CCDC85A: variants seen among roughly 807,000 people sequenced by gnomAD.
The protein encoded by CCDC85A is coiled-coil domain containing 85A.
In CCDC85A, 38 loss-of-function variants were observed where a neutral mutation model predicts 50.2. The observed-to-expected ratio is 0.76, with a 90% confidence interval of 0.58 to 0.99. The LOEUF is 0.99. Ranked by LOEUF, CCDC85A falls within the 50% of genes least tolerant of loss-of-function variation. The pLI, the probability that CCDC85A is intolerant of heterozygous loss-of-function variation, is 0.00. For synonymous variants in CCDC85A, 366 were observed against 301.4 expected (o/e 1.21, Z -2.22); for missense variants, 820 against 742.0 (o/e 1.11, Z -1.22).
rs377198351 is a variant in CCDC85A, at chr2:56,378,447, AG to A, written c.1572+2514del. On this transcript the variant is annotated intron_variant, in intron 5 of 5. Coordinates refer to ENST00000407595, the MANE Select transcript of CCDC85A (RefSeq NM_001080433.2). ...AACTGATTTGAAGTACACTTCTCTG[AG>A]GTGCATTACAAATCAAATTTGTAGG... 2.0e-4 allele frequency among the ~76,000 whole-genome samples: 30 copies of A among 152,298 alleles called. No individual in the cohort carries two copies. In the East Asian group the frequency reaches 5.4e-3, roughly 27 times the overall value.
intron 2 of CCDC85A, among the ~76,000 whole-genome samples, chr2:56,220,679 A>G (rs1008357210): frequency 6.6e-6 from 1 of 152,076 alleles, no homozygotes; most frequent in Non-Finnish European, 1.5e-5. Flanking sequence ...GTTCCGGAAG[A>G]TCAGACATCA....
intron 2 of CCDC85A, among the ~76,000 whole-genome samples, chr2:56,311,749 T>C (rs759725859): frequency 6.6e-6 from 1 of 152,138 alleles, no homozygotes; most frequent in African/African-American, 2.4e-5. Flanking sequence ...ATTTCCCTTT[T>C]GCAGATGTAA....
intron 3 of CCDC85A, among the ~76,000 whole-genome samples, chr2:56,343,268 C>T (rs1341365150): frequency 6.6e-6 from 1 of 152,058 alleles, no homozygotes; most frequent in Non-Finnish European, 1.5e-5. Context: ...CTCATATACA[C>T]CATGCATGTG....
chr2:56,307,387 G>C (rs1011534259), intron 2 of CCDC85A, among the ~76,000 whole-genome samples: 23 of 152,014 alleles, frequency 1.5e-4, no homozygotes, highest in Admixed American at 1.4e-3. Context: ...TTGTAATCAG[G>C]CTCCTTGCAG....
At chr2:56,279,923 A>C (rs935810490) in intron 2 of CCDC85A, among the ~76,000 whole-genome samples, 1 of 152,206 alleles carries the variant, frequency 6.6e-6, no homozygotes, top group Non-Finnish European at 1.5e-5. Flanking sequence ...TCTTTGATAC[A>C]CTGATTTTAA....
intron 2 of CCDC85A, among the ~76,000 whole-genome samples, chr2:56,228,296 T>C (rs575913476): frequency 1.3e-5 from 2 of 151,272 alleles, no homozygotes; most frequent in South Asian, 2.1e-4. Context: ...AACCTGCACG[T>C]TGTGCACGTG....
intron 3 of CCDC85A, among the ~76,000 whole-genome samples, chr2:56,344,438 A>G (rs1419845276): frequency 6.6e-6 from 1 of 152,162 alleles, no homozygotes; most frequent in Non-Finnish European, 1.5e-5. Flanking sequence ...ACGGCCCACA[A>G]TTTAAAACTT....
chr2:56,208,220 A>G (rs1677031406), intron 2 of CCDC85A, among the ~76,000 whole-genome samples: 1 of 152,174 alleles, frequency 6.6e-6, no homozygotes, highest in African/African-American at 2.4e-5. Flanking sequence ...TTATAAGAAT[A>G]TGTTATATTG....
At chr2:56,238,303 G>A (rs1034906994) in intron 2 of CCDC85A, among the ~76,000 whole-genome samples, 1 of 151,740 alleles carries the variant, frequency 6.6e-6, no homozygotes, top group African/African-American at 2.4e-5. Flanking sequence ...TGTAATCCCA[G>A]CTATTCAGGA....
chr2:56,347,237 G>T (rs1463545394), intron 3 of CCDC85A, among the ~76,000 whole-genome samples: 1 of 152,144 alleles, frequency 6.6e-6, no homozygotes, highest in Non-Finnish European at 1.5e-5. Flanking sequence ...AGGTGTATTG[G>T]GTTCACAGAG....
chr2:56,354,128 G>A (rs1264841118), intron 3 of CCDC85A, among the ~76,000 whole-genome samples: 1 of 152,228 alleles, frequency 6.6e-6, no homozygotes, highest in Non-Finnish European at 1.5e-5. Context: ...ACATTTCACA[G>A]AGGGAATTTA....
At chr2:56,240,262 T>C (rs1669196400) in intron 2 of CCDC85A, among the ~76,000 whole-genome samples, 1 of 152,156 alleles carries the variant, frequency 6.6e-6, no homozygotes, top group African/African-American at 2.4e-5. Context: ...CTTCAGCCTC[T>C]GATTCAGCCT....
chr2:56,352,599 G>A (rs998476081), intron 3 of CCDC85A, among the ~76,000 whole-genome samples: 4 of 152,162 alleles, frequency 2.6e-5, no homozygotes, highest in African/African-American at 4.8e-5. Flanking sequence ...TCCTCCCTTG[G>A]CCTCCCAAAG....
chr2:56,209,528 A>G (rs1677100930), intron 2 of CCDC85A, among the ~76,000 whole-genome samples: 1 of 149,310 alleles, frequency 6.7e-6, no homozygotes, highest in Non-Finnish European at 1.5e-5. Flanking sequence ...ATTGTTTAAT[A>G]CTTTGGGGCA....
chr2:56,213,969 A>C (rs1368632396), intron 2 of CCDC85A, among the ~76,000 whole-genome samples: 1 of 151,924 alleles, frequency 6.6e-6, no homozygotes, highest in East Asian at 1.9e-4. Context: ...AGGTGAGTAG[A>C]GGGCCAAGAT....
At chr2:56,260,439 TAAAAC>T (rs1670170376) in intron 2 of CCDC85A, among the ~76,000 whole-genome samples, 1 of 152,178 alleles carries the variant, frequency 6.6e-6, no homozygotes, top group African/African-American at 2.4e-5. Context: ...ATGCTTGAAA[TAAAAC>T]TTTAGTGGAG....
chr2:56,200,691 G>A lies in CCDC85A; in HGVS notation c.1240+7251G>A, dbSNP rs552733814. On this transcript the variant is annotated intron_variant, in intron 2 of 5. Coordinates refer to ENST00000407595, the MANE Select transcript of CCDC85A (RefSeq NM_001080433.2). ...TGGCAGAGGAGTAGCAGGTTACATT[G>A]TCATTCTTATAAAGGCAATACTGGT... Among the ~76,000 whole-genome samples the A allele has an allele frequency of 2.6e-5, 4 of 152,264 alleles. No individual in the cohort carries two copies. In the East Asian group the frequency reaches 7.7e-4, roughly 29 times the overall value.
chr2:56,215,782 T>TG (rs1442737255), intron 2 of CCDC85A, among the ~76,000 whole-genome samples: 2 of 151,910 alleles, frequency 1.3e-5, no homozygotes, highest in African/African-American at 4.8e-5. Flanking sequence ...CTTTATAGCT[T>TG]GGGTCGGTAA....
intron 2 of CCDC85A, among the ~76,000 whole-genome samples, chr2:56,310,990 A>G (rs764565659): frequency 2.0e-5 from 3 of 152,196 alleles, no homozygotes; most frequent in East Asian, 1.9e-4. Context: ...GAGAAAATAT[A>G]TAACGGGACT....
Sources: gnomAD v4.1 joint callset for allele counts (sites outside exome capture counted in the v4.1 genomes callset) on GRCh38, gnomAD v4.1.1 for gene constraint, MANE v1.5 for transcripts, NCBI Gene and HGNC (gene_info 2026-07-23, HGNC 2026-07-21) for gene names.